The following PCBD1 variants were observed in gnomAD, a reference collection of about 807,000 sequenced individuals.
PCBD1 encodes the protein pterin-4-alpha-carbinolamine dehydratase.
In PCBD1, 16 loss-of-function variants were observed where a neutral mutation model predicts 12.6. The observed-to-expected ratio is 1.27, with a 90% CI of 0.86 to 1.93. The LOEUF is 1.93. PCBD1 is among the 30% of genes most tolerant of loss of function. The probability of loss-of-function intolerance (pLI) is 0.00; values close to 1 mark genes in which losing one functional copy is unlikely to be tolerated. For synonymous variants in PCBD1, 53 were observed against 50.2 expected (o/e 1.05, Z -0.23); for missense variants, 86 against 130.1 (o/e 0.66, Z 1.65).
chr10:70,882,448 T>C (rs1473448411), downstream of PCBD1: 2 of 152,236 alleles, frequency 1.3e-5, no homozygotes, highest in East Asian at 1.9e-4. Flanking sequence ...GGAAAGCAGA[T>C]GGTATTGTTG....
chr10:70,883,783 G>A lies in PCBD1; in HGVS notation c.*167C>T. 2 of 1,507,232 alleles carry A rather than the reference G, an allele frequency of 1.3e-6. No individual in the cohort carries two copies. The highest frequency in any genetic ancestry group is 1.8e-6 in the Non-Finnish European group (2 of 1,127,212). The allele number at this position is 1,507,232 out of a possible 1,614,324, so 93.4% of individuals were successfully genotyped here. On this transcript the variant is annotated 3_prime_UTR_variant, in exon 4 of 4. Coordinates refer to ENST00000299299, the MANE Select transcript of PCBD1 (RefSeq NM_000281.4). ...CAGGGAAAAGGTCTAAATTCCTGGTGTTGGTGGGGACACTGGCACATCCCA... is the reference window on the plus strand; with the variant it reads ...CAGGGAAAAGGTCTAAATTCCTGGTATTGGTGGGGACACTGGCACATCCCA...
chr10:70,883,702 AGG>A lies in PCBD1; in HGVS notation c.*246_*247del, dbSNP rs1392197359. 7.3e-7 allele frequency: 1 copy of A among 1,369,722 alleles called. No individual in the cohort carries two copies. The highest frequency in any genetic ancestry group is 3.0e-5 in the Admixed American group (1 of 33,230). The allele number at this position is 1,369,722 out of a possible 1,614,324, so 84.8% of individuals were successfully genotyped here. A position where few individuals can be genotyped will look rare whatever the true frequency, so the allele number is the denominator to read the frequency against. ...ATTGTTGCTGGGAAGTTGCAAAGAA[AGG>A]GGAGAGTTTATTCAAATTAGTGTAA... is the stretch of plus-strand genomic sequence containing the variant. On this transcript the variant is annotated 3_prime_UTR_variant, in exon 4 of 4. Transcript: ENST00000299299.
chr10:70,886,429 G>A (rs765544084), intron 1 of PCBD1, among the ~76,000 whole-genome samples: 6 of 152,158 alleles, frequency 3.9e-5, no homozygotes, highest in Non-Finnish European at 5.9e-5. Flanking sequence ...TAACTTTCAC[G>A]TGTATTGAAG....
chr10:70,883,142 C>A (rs770393169), downstream of PCBD1, among the ~76,000 whole-genome samples: 7 of 152,190 alleles, frequency 4.6e-5, no homozygotes, highest in African/African-American at 7.2e-5. Context: ...ATCTCTGCCT[C>A]CCAAGAATCC....
At chr10:70,888,466 C>A in intron 1 of PCBD1, 65 bp downstream of exon 1, 2 of 1,455,968 alleles carry the variant, frequency 1.4e-6, no homozygotes, top group South Asian at 2.7e-5. Flanking sequence ...CCTTCCCGCT[C>A]CCACCTCGCC....
chr10:70,888,432 G>A (rs1402992218), intron 1 of PCBD1, 99 bp downstream of exon 1: 83 of 1,357,578 alleles, frequency 6.1e-5, no homozygotes, highest in Non-Finnish European at 7.9e-5. Flanking sequence ...CTCCGCAGGG[G>A]ACTCGAAAAG....
In PCBD1 at chr10:70,885,042, C is replaced by T. The variant is rs1846559648; in HGVS notation, c.216+110G>A. The T allele has an allele frequency of 2.2e-5, 19 of 852,594 alleles. 2 individuals are homozygous for T. The highest frequency in any genetic ancestry group is 1.9e-4 in the South Asian group (14 of 74,456). 52.8% of individuals were successfully genotyped at this position (852,594 alleles called of 1,614,324 possible). On this transcript the variant is annotated intron_variant, in intron 3 of 3. Transcript: ENST00000299299. ...GATTGGAAATGAGATGAGTGGATGA[C>T]CTATGGGTCAGGAAGGCTCATTGTT...
Position 70,883,955 on chromosome 10 carries a change from T to A in PCBD1, c.310A>T (p.Thr104Ser). ...SFIEQVAVSM[T>S] is the part of the protein sequence containing the mutation. ...TCAAAGAGGAAGGGCAGGGTCTATGTCATGGACACTGCTACTTGTTCGATG... is the reference window on the plus strand; with the variant it reads ...TCAAAGAGGAAGGGCAGGGTCTATGACATGGACACTGCTACTTGTTCGATG... The change falls in exon 4 of 4, where the codon ACA (threonine) becomes TCA (serine). Residue 104 changes from threonine (T) to serine (S), a missense_variant. Physicochemically the swap from Thr to Ser is moderately conservative, Grantham distance 58. Transcript: ENST00000299299. The A allele has an allele frequency of 1.2e-6, 2 of 1,613,746 alleles. No homozygotes were observed. Among genetic ancestry groups the A allele is most frequent in the Non-Finnish European group, 1.7e-6 (2 of 1,179,862 alleles).
chr10:70,887,198 A>G (rs1024636202), intron 1 of PCBD1, among the ~76,000 whole-genome samples: 1 of 152,216 alleles, frequency 6.6e-6, no homozygotes, highest in South Asian at 2.1e-4. Flanking sequence ...ACTGCTATAA[A>G]GCAAATGTCA....
intron 1 of PCBD1, 31 bp downstream of exon 1, chr10:70,888,500 C>A: frequency 6.9e-7 from 1 of 1,446,854 alleles, no homozygotes; most frequent in South Asian, 1.4e-5. Flanking sequence ...GCCCCGCTGC[C>A]CCGATCGCGG....
chr10:70,882,310 C>G (rs975687969), downstream of PCBD1: 4 of 152,142 alleles, frequency 2.6e-5, no homozygotes, highest in African/African-American at 4.8e-5. Flanking sequence ...ATATGATAGG[C>G]CTGTGTATTA....
At chr10:70,885,543 C>T (rs1056332486) in intron 2 of PCBD1, among the ~76,000 whole-genome samples, 1 of 152,244 alleles carries the variant, frequency 6.6e-6, no homozygotes, top group Admixed American at 6.5e-5. Flanking sequence ...GAACTATCTC[C>T]TCAGAAGACT....
At position 70,886,885 on chromosome 10, in the gene PCBD1, C is replaced by T. The variant is rs147191398; in HGVS notation, c.4-956G>A. On this transcript the variant is annotated intron_variant, in intron 1 of 3. Coordinates refer to ENST00000299299, the MANE Select transcript of PCBD1 (RefSeq NM_000281.4). The stretch of plus-strand genomic sequence containing the variant: ...GCAAGGAAGCAAGGGTCAGTTTCAT[C>T]CTAGGAGGATCCAGGTCTAGGAGCT... 2.6e-5 allele frequency among the ~76,000 whole-genome samples: 4 copies of T among 152,304 alleles called. No individual in the cohort carries two copies. In the East Asian group the frequency reaches 7.7e-4, roughly 29 times the overall value.
At position 70,884,085 on chromosome 10, in the gene PCBD1, CACTTA is replaced by C. The variant is rs780964799; in HGVS notation, c.217-42_217-38del. 2.7e-5 allele frequency: 43 copies of C among 1,600,918 alleles called. No homozygotes were observed. In the South Asian group the frequency reaches 4.6e-4, roughly 17 times the overall value. On this transcript the variant is annotated intron_variant, in intron 3 of 3. Coordinates refer to ENST00000299299, the MANE Select transcript of PCBD1 (RefSeq NM_000281.4). ...CCAGAAATTCTGCTTCCACTGACTT[CACTTA>C]AGAACAGGAGGGAGTCACTAGCTGC...
intron 3 of PCBD1, 38 bp from the exon 4 acceptor site, chr10:70,884,086 A>C: frequency 6.2e-7 from 1 of 1,600,772 alleles, no homozygotes; most frequent in Non-Finnish European, 8.5e-7. Flanking sequence ...CACTGACTTC[A>C]CTTAAGAACA....
At chr10:70,885,557 G>A (rs955901320) in intron 2 of PCBD1, among the ~76,000 whole-genome samples, 2 of 152,226 alleles carry the variant, frequency 1.3e-5, no homozygotes, top group African/African-American at 2.4e-5. Context: ...GAAGACTGCT[G>A]CTAAAAGTTC....
chr10:70,884,700 T>G (rs1271051733), intron 3 of PCBD1, among the ~76,000 whole-genome samples: 4 of 152,062 alleles, frequency 2.6e-5, no homozygotes, highest in Non-Finnish European at 5.9e-5. Flanking sequence ...GCCAGGAGGG[T>G]CTTGATCTCC....
Position 70,883,874 on chromosome 10 carries a change from G to T in PCBD1, c.*76C>A, listed in dbSNP as rs1243582140. 6.4e-7 allele frequency: 1 copy of T among 1,558,778 alleles called. No homozygotes were observed. The highest frequency in any genetic ancestry group is 1.4e-5 in the African/African-American group (1 of 73,666). ...GGAGGGGAGTGGTGGGAGGGTAAGG[G>T]CTCCTCAGCTCCCTCCCTGGACTCC... On this transcript the variant is annotated 3_prime_UTR_variant, in exon 4 of 4. Coordinates refer to ENST00000299299, the MANE Select transcript of PCBD1 (RefSeq NM_000281.4).
chr10:70,884,752 G>A (rs1846556586), intron 3 of PCBD1, among the ~76,000 whole-genome samples: 1 of 152,084 alleles, frequency 6.6e-6, no homozygotes, highest in African/African-American at 2.4e-5. Context: ...AAATATGTGT[G>A]TATTCTTAGT....
Sources: gnomAD v4.1 joint callset for allele counts (sites outside exome capture counted in the v4.1 genomes callset) on GRCh38, gnomAD v4.1.1 for gene constraint, MANE v1.5 for transcripts, NCBI Gene and HGNC (gene_info 2026-07-23, HGNC 2026-07-21) for gene names.